Variants in PBX3 observed in about 807,000 individuals in gnomAD.
PBX3 encodes pre-B-cell leukemia transcription factor 3.
A neutral mutation model predicts 48.5 loss-of-function variants in PBX3; 14 were observed. The observed-to-expected ratio is 0.29, with a 90% CI of 0.19 to 0.45. PBX3 has a LOEUF of 0.45. PBX3 is among the 20% of genes least tolerant of loss of function. The pLI is 1.00. For synonymous variants in PBX3, 210 were observed against 200.3 expected (o/e 1.05, Z -0.41); for missense variants, 386 against 546.7 (o/e 0.71, Z 2.93).
chr9:125,747,956 C>T (rs978774990), intron 1 of PBX3, among the ~76,000 whole-genome samples: 1 of 151,936 alleles, frequency 6.6e-6, no homozygotes, highest in South Asian at 2.1e-4. Context: ...ACCTCCCGCC[C>T]CGACCCCGTG....
chr9:125,804,436 T>A (rs919285253), intron 2 of PBX3, among the ~76,000 whole-genome samples: 2 of 152,194 alleles, frequency 1.3e-5, no homozygotes, highest in Non-Finnish European at 2.9e-5. Context: ...CTTGTCTGTT[T>A]ATCGTAGTGT....
chr9:125,794,477 G>A lies in PBX3; in HGVS notation c.274+45854G>A, dbSNP rs185545035. Among the ~76,000 whole-genome samples the A allele has an allele frequency of 2.8e-3, 422 of 152,104 alleles. 5 individuals carry two copies. The highest frequency in any genetic ancestry group is 9.8e-3 in the African/African-American group (407 of 41,510). On this transcript the variant is annotated intron_variant, in intron 2 of 8. Transcript: ENST00000373489. ...TGAATGGGAAAAAAATTGGAAACCT[G>A]ACTTTAGTTACTGCTCAGTTTCTAT...
chr9:125,923,277 C>T (rs902311824), intron 3 of PBX3, among the ~76,000 whole-genome samples: 1 of 152,208 alleles, frequency 6.6e-6, no homozygotes, highest in African/African-American at 2.4e-5. Flanking sequence ...CAGCTAATAT[C>T]TCAGGTGTCA....
At chr9:125,912,287 C>T (rs1010810366) in intron 2 of PBX3, among the ~76,000 whole-genome samples, 8 of 152,226 alleles carry the variant, frequency 5.3e-5, no homozygotes, top group Admixed American at 2.0e-4. Flanking sequence ...CAAACAGCCC[C>T]GTAATCATAC....
chr9:125,859,791 G>A (rs10986987), intron 2 of PBX3, among the ~76,000 whole-genome samples: 3,056 of 152,268 alleles, frequency 0.02, 170 homozygotes, highest in East Asian at 0.17. Flanking sequence ...GGTCTTCAAG[G>A]TTTTGCTAAT....
chr9:125,824,629 C>T (rs1838753880), intron 2 of PBX3, among the ~76,000 whole-genome samples: 1 of 151,788 alleles, frequency 6.6e-6, no homozygotes, highest in South Asian at 2.1e-4. Flanking sequence ...TACAGTCTTT[C>T]AGACTAACAG....
intron 2 of PBX3, among the ~76,000 whole-genome samples, chr9:125,914,384 T>C (rs1306608547): frequency 6.6e-6 from 1 of 152,158 alleles, no homozygotes; most frequent in African/African-American, 2.4e-5. Context: ...AATTAAAGTT[T>C]TGCATTTGTG....
chr9:125,811,163 C>T (rs1393804450), intron 2 of PBX3, among the ~76,000 whole-genome samples: 1 of 152,164 alleles, frequency 6.6e-6, no homozygotes, highest in Non-Finnish European at 1.5e-5. Flanking sequence ...ATAGCTTCTC[C>T]GTTAGCCTGT....
chr9:125,960,113 T>C (rs1240974330), intron 5 of PBX3, among the ~76,000 whole-genome samples: 1 of 152,256 alleles, frequency 6.6e-6, no homozygotes, highest in African/African-American at 2.4e-5. Context: ...AGTTTTCAAG[T>C]TGTGACCTTC....
intron 2 of PBX3, among the ~76,000 whole-genome samples, chr9:125,815,501 G>A (rs374607756): frequency 6.6e-6 from 1 of 152,020 alleles, no homozygotes; most frequent in African/African-American, 2.4e-5. Context: ...TAGGTTCCTC[G>A]TATAACATAA....
At chr9:125,807,405 G>A (rs1838159129) in intron 2 of PBX3, among the ~76,000 whole-genome samples, 1 of 152,158 alleles carries the variant, frequency 6.6e-6, no homozygotes, top group Admixed American at 6.5e-5. Flanking sequence ...AGAAACTGAT[G>A]TAGTTAGCTT....
chr9:125,965,985 GA>G lies in PBX3; in HGVS notation c.*66del. 2 of 1,241,992 alleles carry G rather than the reference GA, an allele frequency of 1.6e-6. No homozygotes were observed. Among genetic ancestry groups the G allele is most frequent in the South Asian group, 1.3e-5 (1 of 78,342 alleles). 76.9% of individuals were successfully genotyped at this position (1,241,992 alleles called of 1,614,324 possible). On this transcript the variant is annotated 3_prime_UTR_variant, in exon 9 of 9. Coordinates refer to ENST00000373489, the MANE Select transcript of PBX3 (RefSeq NM_006195.6). Reference sequence around the variant, plus strand: ...ATAAGTGCATTCAGAGCAATAGGAGGAAAAGGAAAGCGTTTTTGTAGCCCAC... The same window carrying G: ...ATAAGTGCATTCAGAGCAATAGGAGGAAAGGAAAGCGTTTTTGTAGCCCAC...
intron 2 of PBX3, among the ~76,000 whole-genome samples, chr9:125,872,785 T>G (rs1840157583): frequency 6.7e-6 from 1 of 150,318 alleles, no homozygotes; most frequent in Non-Finnish European, 1.5e-5. Context: ...AATATAATAA[T>G]AAACATTTCT....
Position 125,899,435 on chromosome 9 carries a change from A to ATG in PBX3, c.275-16245_275-16244dup, listed in dbSNP as rs1328905442. Among the ~76,000 whole-genome samples, 57 of 113,576 alleles carry ATG rather than the reference A, an allele frequency of 5.0e-4. 1 individual carries two copies. The highest frequency in any genetic ancestry group is 1.4e-3 in the East Asian group (6 of 4,210). 74.5% of individuals were successfully genotyped at this position (113,576 alleles called of 152,430 possible). A position where few individuals can be genotyped will look rare whatever the true frequency, so the allele number is the denominator to read the frequency against. On this transcript the variant is annotated intron_variant, in intron 2 of 8. Transcript: ENST00000373489. Reference sequence around the variant, plus strand: ...TGTATATATATGTATGTCTATATATATGTGTGTATATATATATATAGAGAG... The same window carrying ATG: ...TGTATATATATGTATGTCTATATATATGTGTGTGTATATATATATATAGAGAG...
chr9:125,868,750 T>G (rs933370068), intron 2 of PBX3, among the ~76,000 whole-genome samples: 5 of 152,188 alleles, frequency 3.3e-5, no homozygotes, highest in African/African-American at 1.2e-4. Context: ...TTCAGTTGAT[T>G]TGGTAATGGA....
At chr9:125,783,915 C>T (rs1178473951) in intron 2 of PBX3, among the ~76,000 whole-genome samples, 1 of 152,056 alleles carries the variant, frequency 6.6e-6, no homozygotes, top group Non-Finnish European at 1.5e-5. Flanking sequence ...GTGGGAGGAT[C>T]ACTTGAACCC....
chr9:125,803,091 CTTT>C (rs59714151), intron 2 of PBX3, among the ~76,000 whole-genome samples: 5 of 108,904 alleles, frequency 4.6e-5, no homozygotes, highest in Admixed American at 9.6e-5. Context: ...CCACTAATGT[CTTT>C]TTTTTTTTTT....
intron 2 of PBX3, among the ~76,000 whole-genome samples, chr9:125,831,990 A>G (rs1260289272): frequency 6.6e-6 from 1 of 152,154 alleles, no homozygotes; most frequent in Non-Finnish European, 1.5e-5. Flanking sequence ...ACTTATTGCT[A>G]CTGGGTTGTT....
chr9:125,935,460 C>A lies in PBX3; in HGVS notation c.708-12C>A. 1 of 1,612,706 alleles carries A rather than the reference C, an allele frequency of 6.2e-7. No individual in the cohort carries two copies. The highest frequency in any genetic ancestry group is 8.5e-7 in the Non-Finnish European group (1 of 1,179,022). Reference sequence around the variant, plus strand: ...TTGTAACTGCAATTATTTTCTTTCACTCTTGTCATAGACGGAAAAGGCGTA... The same window carrying A: ...TTGTAACTGCAATTATTTTCTTTCAATCTTGTCATAGACGGAAAAGGCGTA... On this transcript the variant is annotated splice_polypyrimidine_tract_variant and intron_variant, in intron 4 of 8. Transcript: ENST00000373489.
Sources: gnomAD v4.1 joint callset for allele counts (sites outside exome capture counted in the v4.1 genomes callset) on GRCh38, gnomAD v4.1.1 for gene constraint, MANE v1.5 for transcripts, NCBI Gene and HGNC (gene_info 2026-07-23, HGNC 2026-07-21) for gene names.